Variants in ADGRA1 observed in about 807,000 individuals in gnomAD.
ADGRA1 encodes G-protein coupled receptor 123.
ADGRA1 carries 12 observed loss-of-function variants against 21.3 expected under a neutral mutation model. The observed-to-expected ratio is 0.56, with a 90% CI of 0.36 to 0.91. The LOEUF (loss-of-function observed/expected upper bound fraction) is 0.91, where lower values mean the gene tolerates loss of function less well. Among genes scored for constraint, ADGRA1 ranks in the 40% least tolerant of loss-of-function variants. The pLI is 0.01. For synonymous variants in ADGRA1, 385 were observed against 368.8 expected (o/e 1.04, Z -0.50); for missense variants, 790 against 805.6 (o/e 0.98, Z 0.23).
rs760282504 is a variant in ADGRA1, at chr10:133,129,130, C to T, written c.1302C>T (p.Pro434=). ...TTAGCCGGCACCCAGCAGAGGAGCC[C>T]GAGTACGCCTACCACATCCCATCCA... The part of the protein sequence containing the change: ...PYFSRHPAEE[P]EYAYHIPSSL... Residue 434 remains proline, a synonymous_variant, in exon 7 of 7, where the codon CCC becomes CCT. Coordinates refer to ENST00000392607, the MANE Select transcript of ADGRA1 (RefSeq NM_001083909.3). The T allele has an allele frequency of 1.9e-6, 3 of 1,553,426 alleles. No homozygotes were observed. The highest frequency in any genetic ancestry group is 1.9e-5 in the Admixed American group (1 of 52,204).
chr10:133,091,721 G>A (rs1851598375), intron 2 of ADGRA1, among the ~76,000 whole-genome samples: 1 of 152,244 alleles, frequency 6.6e-6, no homozygotes, highest in Admixed American at 6.5e-5. Flanking sequence ...AGCTTGGGCT[G>A]GGGGACCCCA....
chr10:133,118,794 A>C (rs1239487445), intron 5 of ADGRA1, among the ~76,000 whole-genome samples: 1 of 152,212 alleles, frequency 6.6e-6, no homozygotes, highest in Non-Finnish European at 1.5e-5. Flanking sequence ...AAACCAAAAA[A>C]TTTGTGTGAC....
At position 133,129,278 on chromosome 10, in the gene ADGRA1, C is replaced by T. The variant is rs377116527; in HGVS notation, c.1450C>T (p.Pro484Ser). 11 of 1,550,356 alleles carry T rather than the reference C, an allele frequency of 7.1e-6. No homozygotes were observed. The African/African-American group carries it at 1.5e-4, about 21-fold the overall frequency. The stretch of plus-strand genomic sequence containing the variant: ...CGACCCCTTCCCCATGGTCACCCAG[C>T]CCGAGGGCAGTGATGGGAGCCCTGC... Reference protein sequence around the residue: ...QGDPFPMVTQPEGSDGSPALY... With the variant: ...QGDPFPMVTQSEGSDGSPALY... The change falls in exon 7 of 7, where the codon CCC (proline) becomes TCC (serine). Residue 484 changes from proline (P) to serine (S), a missense_variant. Around this residue, in one of 3 missense-constraint regions of ADGRA1, gnomAD observed 391 missense variants for 351.5 expected, o/e 1.11. Coordinates refer to ENST00000392607, the MANE Select transcript of ADGRA1 (RefSeq NM_001083909.3).
chr10:133,104,581 G>A (rs1392776027), intron 5 of ADGRA1, among the ~76,000 whole-genome samples: 1 of 152,188 alleles, frequency 6.6e-6, no homozygotes, highest in Non-Finnish European at 1.5e-5. Flanking sequence ...TTCCTCCTGG[G>A]GCTGCCTGGA....
chr10:133,095,097 G>A lies in ADGRA1; in HGVS notation c.4-1877G>A, dbSNP rs151278254. 1.7e-3 allele frequency among the ~76,000 whole-genome samples: 262 copies of A among 152,294 alleles called. 1 individual carries two copies. Among genetic ancestry groups the A allele is most frequent in the Non-Finnish European group, 3.1e-3 (212 of 68,026 alleles). Reference sequence around the variant, plus strand: ...AGTAGCCAGAACACCAAGGAGGGACGTGCGAATGTCCACAGTTGGCCGGGC... The same window carrying A: ...AGTAGCCAGAACACCAAGGAGGGACATGCGAATGTCCACAGTTGGCCGGGC... On this transcript the variant is annotated intron_variant, in intron 2 of 6. Coordinates refer to ENST00000392607, the MANE Select transcript of ADGRA1 (RefSeq NM_001083909.3).
chr10:133,121,737 G>A (rs1436202664), intron 5 of ADGRA1, among the ~76,000 whole-genome samples: 1 of 150,486 alleles, frequency 6.6e-6, no homozygotes, highest in South Asian at 2.1e-4. Context: ...GTGCTTGTGT[G>A]TGTGGTGTGT....
intron 5 of ADGRA1, among the ~76,000 whole-genome samples, 187 bp from the exon 6 acceptor site, chr10:133,127,046 C>T (rs1005740652): frequency 6.9e-6 from 1 of 144,712 alleles, no homozygotes; most frequent in Non-Finnish European, 1.5e-5. Flanking sequence ...GGGAGGCCAG[C>T]GAGGCCGGCA....
intron 4 of ADGRA1, chr10:133,102,336 C>T (rs1264879947): frequency 5.8e-6 from 3 of 513,062 alleles, no homozygotes; most frequent in South Asian, 1.5e-5. Flanking sequence ...GACACCTATC[C>T]AGGTCTGAGC....
rs1047366888 is a variant in ADGRA1 at position 133,131,580 on chromosome 10, C to T, written c.*2069C>T. 6.6e-6 allele frequency: 1 copy of T among 152,486 alleles called. No individual in the cohort carries two copies. Among genetic ancestry groups the T allele is most frequent in the Non-Finnish European group, 1.5e-5 (1 of 68,112 alleles). 9.4% of individuals were successfully genotyped at this position (152,486 alleles called of 1,614,324 possible). A position where few individuals can be genotyped will look rare whatever the true frequency, so the allele number is the denominator to read the frequency against. On this transcript the variant is annotated 3_prime_UTR_variant, in exon 7 of 7. Coordinates refer to ENST00000392607, the MANE Select transcript of ADGRA1 (RefSeq NM_001083909.3). ...CCCCTGCAGCCCCTCATGAACTTTC[C>T]ACCCTCAGTGCCCCCGGCTGAGCAG...
intron 5 of ADGRA1, among the ~76,000 whole-genome samples, chr10:133,120,759 A>T (rs990366736): frequency 6.6e-6 from 1 of 152,222 alleles, no homozygotes; most frequent in Admixed American, 6.5e-5. Flanking sequence ...CTTATCATTC[A>T]TGCGTTGCTG....
chr10:133,129,574 C>A lies in ADGRA1; in HGVS notation c.*63C>A. The A allele has an allele frequency of 7.2e-7, 1 of 1,390,946 alleles. No homozygotes were observed. The highest frequency in any genetic ancestry group is 9.7e-7 in the Non-Finnish European group (1 of 1,035,064). 86.2% of individuals were successfully genotyped at this position (1,390,946 alleles called of 1,614,324 possible). A position where few individuals can be genotyped will look rare whatever the true frequency, so the allele number is the denominator to read the frequency against. On this transcript the variant is annotated 3_prime_UTR_variant, in exon 7 of 7. Coordinates refer to ENST00000392607, the MANE Select transcript of ADGRA1 (RefSeq NM_001083909.3). ...AGAGCAGAGTGGGGGGCCCATCTGC[C>A]ACATGAGGTCACTGGGGGTACCGAA...
intron 4 of ADGRA1, 119 bp from the exon 5 acceptor site, chr10:133,102,578 A>G (rs1591172482): frequency 1.6e-6 from 2 of 1,225,410 alleles, no homozygotes; most frequent in East Asian, 5.1e-5. Context: ...GCCCTGGGAT[A>G]CAGACGCTGC....
intron 2 of ADGRA1, among the ~76,000 whole-genome samples, chr10:133,093,711 C>T (rs1851641401): frequency 6.6e-6 from 1 of 152,244 alleles, no homozygotes; most frequent in African/African-American, 2.4e-5. Context: ...CTTCACCCCC[C>T]AGGAGCCTGG....
intron 2 of ADGRA1, chr10:133,095,793 C>T (rs758648078): frequency 5.0e-6 from 8 of 1,597,828 alleles, no homozygotes; most frequent in Non-Finnish European, 6.8e-6. Flanking sequence ...GACACTGCCT[C>T]TGCCCATGGC....
chr10:133,097,999 T>G (rs1193977143), intron 3 of ADGRA1, among the ~76,000 whole-genome samples: 1 of 152,096 alleles, frequency 6.6e-6, no homozygotes, highest in African/African-American at 2.4e-5. Context: ...TCCTACCAAC[T>G]CGGGGGGAGG....
At position 133,112,260 on chromosome 10, in the gene ADGRA1, G is replaced by A. The variant is rs114799663; in HGVS notation, c.401+9418G>A. Among the ~76,000 whole-genome samples the A allele has an allele frequency of 2.3e-3, 356 of 152,324 alleles. 1 individual carries two copies. Among genetic ancestry groups the A allele is most frequent in the African/African-American group, 7.8e-3 (325 of 41,562 alleles). ...TAATGACATCTTAATTTTGCAGTAC[G>A]GCCACCCTTTCTGATCAAGTGCACC... On this transcript the variant is annotated intron_variant, in intron 5 of 6. Coordinates refer to ENST00000392607, the MANE Select transcript of ADGRA1 (RefSeq NM_001083909.3).
intron 5 of ADGRA1, among the ~76,000 whole-genome samples, chr10:133,105,184 C>A (rs111610012): frequency 6.6e-6 from 1 of 152,338 alleles, no homozygotes; most frequent in African/African-American, 2.4e-5. Context: ...CCAGGCAGCA[C>A]GTCGCCCACA....
intron 5 of ADGRA1, among the ~76,000 whole-genome samples, chr10:133,119,261 CAAA>C (rs34728360): frequency 2.8e-5 from 4 of 145,448 alleles, no homozygotes; most frequent in Admixed American, 6.8e-5. Flanking sequence ...CCTTTATTGC[CAAA>C]AAAAAAAAAA....
chr10:133,089,167 C>A (rs1851557204), intron 2 of ADGRA1: 1 of 579,246 alleles, frequency 1.7e-6, no homozygotes, highest in South Asian at 8.8e-5. Flanking sequence ...AATGTGGAAT[C>A]ATTTAATCAA....
Sources: gnomAD v4.1 joint callset for allele counts (sites outside exome capture counted in the v4.1 genomes callset) on GRCh38, gnomAD v4.1.1 for gene constraint, gnomAD v4.1.1 regional missense constraint, MANE v1.5 for transcripts, NCBI Gene and HGNC (gene_info 2026-07-23, HGNC 2026-07-21) for gene names.